The following PTPRD variants were observed in gnomAD, a reference collection of about 807,000 sequenced individuals.
PTPRD encodes the protein receptor-type tyrosine-protein phosphatase delta.
A neutral mutation model predicts 214.5 loss-of-function variants in PTPRD; 34 were observed. That is an observed-to-expected ratio of 0.16 (90% CI 0.12 to 0.21). PTPRD has a LOEUF of 0.21. Among genes scored for constraint, PTPRD ranks in the 10% least tolerant of loss-of-function variants. PTPRD has a pLI of 1.00. For synonymous variants in PTPRD, 1,128 were observed against 845.7 expected (o/e 1.33, Z -5.79); for missense variants, 2,545 against 2,398.7 (o/e 1.06, Z -1.27).
intron 9 of PTPRD, among the ~76,000 whole-genome samples, chr9:9,229,660 A>G (rs2099961843): frequency 6.6e-6 from 1 of 152,150 alleles, no homozygotes; most frequent in Admixed American, 6.6e-5. Context: ...CCCAAAATCA[A>G]ATAAGACTAT....
intron 3 of PTPRD, among the ~76,000 whole-genome samples, chr9:10,110,973 G>T (rs1278104631): frequency 6.6e-6 from 1 of 152,116 alleles, no homozygotes; most frequent in African/African-American, 2.4e-5. Flanking sequence ...GAGGATTTTT[G>T]ATTTGGGGAT....
chr9:8,412,387 T>C (rs1417816386), intron 35 of PTPRD, among the ~76,000 whole-genome samples: 1 of 152,100 alleles, frequency 6.6e-6, no homozygotes, highest in Admixed American at 6.5e-5. Context: ...TAATTTACGG[T>C]GTTAGTAAAT....
intron 26 of PTPRD, among the ~76,000 whole-genome samples, chr9:8,496,346 C>T (rs904261023): frequency 2.0e-5 from 3 of 152,158 alleles, no homozygotes; most frequent in African/African-American, 7.2e-5. Flanking sequence ...ACACTGTCCA[C>T]TAATTTACTA....
rs187089977 is a variant in PTPRD at position 9,188,180 on chromosome 9, G to C, written c.-202-4817C>G. On this transcript the variant is annotated intron_variant, in intron 9 of 45. Coordinates refer to ENST00000381196, the MANE Select transcript of PTPRD (RefSeq NM_002839.4). ...AGTATTGCATGTTATTTTTGTGTCT[G>C]CCTTCTTTCCTTAACATTAAGGTTG... Among the ~76,000 whole-genome samples, 4 of 152,082 alleles carry C rather than the reference G, an allele frequency of 2.6e-5. No individual in the cohort carries two copies. In the East Asian group the frequency reaches 7.8e-4, roughly 30 times the overall value.
rs1159279333 is a variant in PTPRD, at chr9:8,697,801, A to C, written c.64+35979T>G. Among the ~76,000 whole-genome samples the C allele has an allele frequency of 2.0e-5, 3 of 152,032 alleles. No individual in the cohort carries two copies. In the East Asian group the frequency reaches 5.8e-4, roughly 29 times the overall value. ...TGTGTGTTTGGGGAGGAGCACACAC[A>C]ATTGTATGCAATGACATTATTGGTG... On this transcript the variant is annotated intron_variant, in intron 12 of 45. Transcript: ENST00000381196.
At chr9:9,059,264 A>C (rs966396166) in intron 10 of PTPRD, among the ~76,000 whole-genome samples, 1 of 152,206 alleles carries the variant, frequency 6.6e-6, no homozygotes, top group African/African-American at 2.4e-5. Context: ...GCAGACAGCC[A>C]ACTACAAGAA....
intron 12 of PTPRD, among the ~76,000 whole-genome samples, chr9:8,706,152 A>G (rs1302281870): frequency 6.6e-6 from 1 of 152,216 alleles, no homozygotes; most frequent in African/African-American, 2.4e-5. Context: ...CTCAAGAGAA[A>G]CATTATAAGA....
chr9:10,131,425 TTAACAAA>T (rs1305171701), intron 3 of PTPRD, among the ~76,000 whole-genome samples: 1 of 152,174 alleles, frequency 6.6e-6, no homozygotes, highest in East Asian at 1.9e-4. Flanking sequence ...TGTCAAGTGC[TTAACAAA>T]TATTGTTTAT....
At chr9:9,016,754 TA>T (rs2077270214) in intron 11 of PTPRD, among the ~76,000 whole-genome samples, 1 of 152,180 alleles carries the variant, frequency 6.6e-6, no homozygotes, top group African/African-American at 2.4e-5. Flanking sequence ...TGCAGGGAGC[TA>T]GAACCCAAGA....
At chr9:8,554,471 T>TA (rs2083106187) in intron 14 of PTPRD, among the ~76,000 whole-genome samples, 1 of 152,144 alleles carries the variant, frequency 6.6e-6, no homozygotes, top group Admixed American at 6.5e-5. Context: ...TCAAGGAACT[T>TA]AAACTTGGAG....
At chr9:9,042,971 G>A (rs2099646172) in intron 10 of PTPRD, among the ~76,000 whole-genome samples, 1 of 152,168 alleles carries the variant, frequency 6.6e-6, no homozygotes, top group Non-Finnish European at 1.5e-5. Context: ...TAACAGGACT[G>A]GACTTGTAGT....
intron 39 of PTPRD, among the ~76,000 whole-genome samples, chr9:8,359,889 T>C (rs1251404492): frequency 6.6e-6 from 1 of 152,172 alleles, no homozygotes; most frequent in East Asian, 1.9e-4. Flanking sequence ...ATATGCATGG[T>C]CTTATCTGAC....
chr9:8,498,394 G>A (rs2097323281), intron 25 of PTPRD, among the ~76,000 whole-genome samples: 2 of 152,088 alleles, frequency 1.3e-5, no homozygotes, highest in Admixed American at 1.3e-4. Flanking sequence ...TCCTGCCTCA[G>A]CCTCCCTAGT....
At chr9:8,924,324 T>C (rs1334953400) in intron 11 of PTPRD, among the ~76,000 whole-genome samples, 1 of 152,224 alleles carries the variant, frequency 6.6e-6, no homozygotes, top group Non-Finnish European at 1.5e-5. Context: ...GAATTCTCAA[T>C]AGTTCCTCAG....
intron 5 of PTPRD, among the ~76,000 whole-genome samples, chr9:9,769,652 C>T (rs952144580): frequency 3.3e-5 from 5 of 152,028 alleles, no homozygotes; most frequent in African/African-American, 9.7e-5. Flanking sequence ...TACACATGTG[C>T]AGAACTTGCA....
At chr9:10,030,118 G>A (rs965575526) in intron 4 of PTPRD, among the ~76,000 whole-genome samples, 1 of 152,150 alleles carries the variant, frequency 6.6e-6, no homozygotes. Flanking sequence ...CAGACATGTG[G>A]CACTGTAAGT....
intron 3 of PTPRD, among the ~76,000 whole-genome samples, chr9:10,188,981 G>T (rs1457270051): frequency 6.6e-6 from 1 of 152,030 alleles, no homozygotes; most frequent in Non-Finnish European, 1.5e-5. Context: ...TGGCTAGGTA[G>T]TCTTACATGT....
At chr9:8,967,211 A>T (rs1316168066) in intron 11 of PTPRD, among the ~76,000 whole-genome samples, 1 of 152,168 alleles carries the variant, frequency 6.6e-6, no homozygotes, top group Non-Finnish European at 1.5e-5. Context: ...AATGTAAATT[A>T]GTCCTGCCAC....
intron 9 of PTPRD, among the ~76,000 whole-genome samples, chr9:9,345,346 G>A (rs965994224): frequency 1.3e-5 from 2 of 152,136 alleles, no homozygotes; most frequent in Admixed American, 6.6e-5. Flanking sequence ...ACAGCAGTAG[G>A]TTTTTGTTAA....
Sources: allele counts gnomAD v4.1 joint callset (sites outside exome capture counted in the v4.1 genomes callset), GRCh38; gene constraint gnomAD v4.1.1; transcripts MANE v1.5; gene names NCBI Gene and HGNC (gene_info 2026-07-23, HGNC 2026-07-21).